The following REV1 variants were observed in gnomAD, a reference collection of about 807,000 sequenced individuals.
REV1 encodes translesion synthesis protein REV1.
Under a neutral mutation model 137.4 loss-of-function variants are expected in REV1, and 42 were observed. The ratio of observed to expected loss-of-function variants is 0.31; its 90% CI spans 0.24 to 0.40. The LOEUF is 0.40. Ranked by LOEUF, REV1 falls within the 10% of genes least tolerant of loss-of-function variation. The probability of loss-of-function intolerance (pLI) is 1.00; values close to 1 mark genes in which losing one functional copy is unlikely to be tolerated. For synonymous variants in REV1, 524 were observed against 519.2 expected, an observed-to-expected ratio of 1.01 and a Z score of -0.12; for missense variants, 1,282 against 1,490.1, an observed-to-expected ratio of 0.86 and a Z score of 2.30.
chr2:99,420,948 A>G (rs1359672531), intron 11 of REV1, among the ~76,000 whole-genome samples: 3 of 152,216 alleles, frequency 2.0e-5, no homozygotes, highest in Non-Finnish European at 4.4e-5. Context: ...AGAGTTCCAG[A>G]GGACACGGCT....
intron 1 of REV1, among the ~76,000 whole-genome samples, chr2:99,467,876 T>C (rs796268072): frequency 4.6e-5 from 7 of 152,052 alleles, no homozygotes; most frequent in Admixed American, 2.6e-4. Flanking sequence ...TGAAATCCCA[T>C]GTCTATTAAA....
At chr2:99,430,461 A>G (rs986494498) in intron 8 of REV1, among the ~76,000 whole-genome samples, 1 of 152,270 alleles carries the variant, frequency 6.6e-6, no homozygotes, top group Non-Finnish European at 1.5e-5. Flanking sequence ...TGATCAAACA[A>G]TAATTTAGTA....
intron 3 of REV1, among the ~76,000 whole-genome samples, chr2:99,452,624 CT>C (rs1489577118): frequency 2.6e-5 from 4 of 152,128 alleles, no homozygotes; most frequent in African/African-American, 7.2e-5. Context: ...AGATTCCCCC[CT>C]GGAACATATG....
chr2:99,434,397 C>T lies in REV1; in HGVS notation c.1373G>A (p.Arg458His), dbSNP rs138203852. The T allele has an allele frequency of 3.3e-5, 53 of 1,604,960 alleles. 1 individual carries two copies. In the South Asian group the frequency reaches 3.8e-4, roughly 12 times the overall value. Reference protein sequence around the residue: ...SNRGTGRAPLRPGANPQLEWQ... With the variant: ...SNRGTGRAPLHPGANPQLEWQ... ...CTCCAGCTGGGGGTTAGCGCCAGGA[C>T]GTAAAGGTGCCCTTCCTGTGCCTCT... Residue 458 changes from arginine to histidine, a missense_variant, in exon 8 of 23, where the codon CGT (arginine) becomes CAT (histidine). Arg to His is a conservative substitution (Grantham distance 29, BLOSUM62 0). Around this residue, in one of 7 missense-constraint regions of REV1, gnomAD observed 432 missense variants for 438.0 expected, o/e 0.99. Transcript: ENST00000258428.
chr2:99,454,086 G>T (rs939724907), intron 3 of REV1, among the ~76,000 whole-genome samples: 1 of 151,570 alleles, frequency 6.6e-6, no homozygotes, highest in Non-Finnish European at 1.5e-5. Flanking sequence ...AGACTGCAAT[G>T]GCTCTATCAT....
intron 10 of REV1, among the ~76,000 whole-genome samples, chr2:99,423,041 A>T (rs372532913): frequency 1.3e-5 from 2 of 152,332 alleles, no homozygotes; most frequent in East Asian, 3.9e-4. Context: ...TGGAAAGTTA[A>T]TTAGTGTGTT....
intron 1 of REV1, among the ~76,000 whole-genome samples, chr2:99,477,164 G>A (rs554582922): frequency 2.6e-5 from 4 of 152,172 alleles, no homozygotes; most frequent in South Asian, 4.2e-4. Flanking sequence ...CACCTCTCCC[G>A]CCCCTCTTAG....
At position 99,438,945 on chromosome 2, in the gene REV1, C is replaced by T. The variant is rs761370730; in HGVS notation, c.869G>A (p.Arg290Gln). 1.1e-5 allele frequency: 18 copies of T among 1,613,994 alleles called. No homozygotes were observed. Among genetic ancestry groups the T allele is most frequent in the South Asian group, 4.4e-5 (4 of 91,094 alleles). ...GAAAGAATTAGTTCTGTGTGGATTCCGCAAAGCATCTGTGTTTCTGGTGCT... is the reference window on the plus strand; with the variant it reads ...GAAAGAATTAGTTCTGTGTGGATTCTGCAAAGCATCTGTGTTTCTGGTGCT... ...QQSTRNTDAL[R>Q]NPHRTNSFSL... The change falls in exon 6 of 23, where the codon CGG (arginine) becomes CAG (glutamine). Residue 290 changes from arginine (R) to glutamine (Q), a missense_variant. Physicochemically the swap from Arg to Gln is conservative, Grantham distance 43. Transcript: ENST00000258428.
chr2:99,424,602 G>T, intron 9 of REV1: 1 of 481,640 alleles, frequency 2.1e-6, no homozygotes, highest in Non-Finnish European at 3.4e-6. Flanking sequence ...ATATGCTGGT[G>T]ATATCACAAC....
Position 99,464,908 on chromosome 2 carries a change from C to A in REV1, c.54+14G>T. On this transcript the variant is annotated intron_variant, in intron 2 of 22. Coordinates refer to ENST00000258428, the MANE Select transcript of REV1 (RefSeq NM_016316.4). ...ACAGTTCGATATAATTATTTTTACT[C>A]TTTTAAAACACACCCATGTTTCCCA... 6.2e-7 allele frequency: 1 copy of A among 1,611,470 alleles called. No individual in the cohort carries two copies. The highest frequency in any genetic ancestry group is 8.5e-7 in the Non-Finnish European group (1 of 1,177,874).
intron 8 of REV1, among the ~76,000 whole-genome samples, chr2:99,430,617 T>G (rs1679992929): frequency 6.6e-6 from 1 of 152,222 alleles, no homozygotes; most frequent in Non-Finnish European, 1.5e-5. Context: ...AGAGTATCGA[T>G]GCTTTAGAGA....
intron 8 of REV1, 86 bp downstream of exon 8, chr2:99,434,246 T>G: frequency 1.3e-6 from 1 of 769,276 alleles, no homozygotes; most frequent in Non-Finnish European, 2.1e-6. Flanking sequence ...AACTCTGCAC[T>G]CATTTCTATT....
intron 1 of REV1, among the ~76,000 whole-genome samples, chr2:99,468,290 C>T (rs957738939): frequency 6.6e-6 from 1 of 152,100 alleles, no homozygotes; most frequent in Non-Finnish European, 1.5e-5. Context: ...GTAATAACAT[C>T]CAGGGAAAAG....
chr2:99,403,557 C>T, intron 19 of REV1, 138 bp downstream of exon 19: 1 of 1,051,890 alleles, frequency 9.5e-7, no homozygotes, highest in Non-Finnish European at 1.4e-6. Flanking sequence ...ATACTGTATA[C>T]TTCAGATATT....
intron 3 of REV1, among the ~76,000 whole-genome samples, chr2:99,454,217 C>A (rs112642816): frequency 1.3e-5 from 2 of 150,662 alleles, no homozygotes; most frequent in Non-Finnish European, 3.0e-5. Flanking sequence ...CAGCAAGATC[C>A]GTCTTTTAAA....
chr2:99,424,303 T>C (rs776950764), intron 9 of REV1, 23 bp from the exon 10 acceptor site: 5 of 1,605,660 alleles, frequency 3.1e-6, no homozygotes, highest in Non-Finnish European at 4.2e-6. Flanking sequence ...CAAAACACAA[T>C]GGAGGTTATT....
intron 9 of REV1, 146 bp downstream of exon 9, chr2:99,429,694 G>A (rs1679863404): frequency 5.9e-6 from 3 of 510,834 alleles, no homozygotes; most frequent in East Asian, 3.3e-5. Flanking sequence ...GGGTTGTGGG[G>A]GGCATAGATG....
At chr2:99,402,116 T>C (rs1333303396) in intron 22 of REV1, 128 bp downstream of exon 22, 1 of 556,560 alleles carries the variant, frequency 1.8e-6, no homozygotes, top group African/African-American at 2.0e-5. Flanking sequence ...CATGGCAAAA[T>C]AAAGGATATC....
rs142375245 is a variant in REV1 at position 99,402,860 on chromosome 2, T to G, written c.3384+29A>C. On this transcript the variant is annotated intron_variant, in intron 20 of 22. Transcript: ENST00000258428. ...CACACATTATCCAGGTATATTAAGA[T>G]CTCATAAAGGTCAAAGTTAAGGAAT... is the stretch of plus-strand genomic sequence containing the variant. 6.9e-5 allele frequency: 112 copies of G among 1,612,678 alleles called. 1 individual carries two copies. In the East Asian group the frequency reaches 1.7e-3, roughly 24 times the overall value.
Sources: allele counts gnomAD v4.1 joint callset (sites outside exome capture counted in the v4.1 genomes callset), GRCh38; gene constraint gnomAD v4.1.1; regional missense constraint gnomAD v4.1.1; transcripts MANE v1.5; gene names NCBI Gene and HGNC (gene_info 2026-07-23, HGNC 2026-07-21).